Variants in KCNIP4 observed in about 807,000 individuals in gnomAD.
The protein encoded by KCNIP4 is potassium voltage-gated channel interacting protein 4, also known as Kv channel-interacting protein 4.
A neutral mutation model predicts 34.0 loss-of-function variants in KCNIP4; 12 were observed. The observed-to-expected ratio is 0.35, with a 90% CI of 0.23 to 0.57. KCNIP4 has a LOEUF of 0.57. Ranked by LOEUF, KCNIP4 falls within the 20% of genes least tolerant of loss-of-function variation. The pLI, the probability that KCNIP4 is intolerant of heterozygous loss-of-function variation, is 0.83. For synonymous variants in KCNIP4, 124 were observed against 102.2 expected (o/e 1.21, Z -1.29); for missense variants, 238 against 311.7 (o/e 0.76, Z 1.78).
chr4:21,205,578 C>T (rs764231922), intron 1 of KCNIP4, among the ~76,000 whole-genome samples: 3 of 152,208 alleles, frequency 2.0e-5, no homozygotes, highest in Non-Finnish European at 2.9e-5. Context: ...GTTGGGTTTA[C>T]GCCTCAGGAC....
chr4:21,802,820 A>T (rs9995230), intron 1 of KCNIP4, among the ~76,000 whole-genome samples: 1 of 152,016 alleles, frequency 6.6e-6, no homozygotes, highest in Non-Finnish European at 1.5e-5. Flanking sequence ...TTCCTAAACC[A>T]CATTCTCTCT....
At chr4:21,904,837 C>G (rs1727906249) in intron 1 of KCNIP4, among the ~76,000 whole-genome samples, 1 of 152,100 alleles carries the variant, frequency 6.6e-6, no homozygotes, top group Admixed American at 6.6e-5. Flanking sequence ...GTCACAACAA[C>G]CATAAACATC....
At chr4:20,963,398 T>C (rs1179969455) in intron 1 of KCNIP4, among the ~76,000 whole-genome samples, 2 of 151,878 alleles carry the variant, frequency 1.3e-5, no homozygotes, top group African/African-American at 4.8e-5. Context: ...CAAATGATCA[T>C]CCCTTTTGTG....
intron 1 of KCNIP4, among the ~76,000 whole-genome samples, chr4:21,535,087 T>C (rs1322915566): frequency 1.3e-5 from 2 of 152,066 alleles, no homozygotes; most frequent in Admixed American, 6.6e-5. Context: ...ATTAACTACT[T>C]ACTACACTAC....
At chr4:20,982,592 C>A (rs558361501) in intron 1 of KCNIP4, among the ~76,000 whole-genome samples, 1 of 152,246 alleles carries the variant, frequency 6.6e-6, no homozygotes, top group African/African-American at 2.4e-5. Context: ...AAAGAAGATA[C>A]GAAGATTACA....
chr4:21,639,383 T>C (rs1164858084), intron 1 of KCNIP4, among the ~76,000 whole-genome samples: 7 of 152,208 alleles, frequency 4.6e-5, no homozygotes, highest in African/African-American at 1.7e-4. Flanking sequence ...ACCTAAGAAA[T>C]TGAGAATCAA....
At chr4:20,892,015 T>C (rs73802392) in intron 1 of KCNIP4, among the ~76,000 whole-genome samples, 3,678 of 152,182 alleles carry the variant, frequency 0.024, 127 homozygotes, top group African/African-American at 0.076. Flanking sequence ...TTGCAGAAAA[T>C]TGCTGCCCAA....
chr4:20,774,094 AGGC>A (rs1459727811), intron 3 of KCNIP4, among the ~76,000 whole-genome samples: 1 of 152,214 alleles, frequency 6.6e-6, no homozygotes, highest in Non-Finnish European at 1.5e-5. Flanking sequence ...GGTTATTATG[AGGC>A]TTAAATAAAG....
At chr4:21,449,752 G>GT (rs1302299144) in intron 1 of KCNIP4, among the ~76,000 whole-genome samples, 1 of 151,446 alleles carries the variant, frequency 6.6e-6, no homozygotes, top group Non-Finnish European at 1.5e-5. Flanking sequence ...TTTCACTGCT[G>GT]TATCCCTGGT....
chr4:21,078,650 T>C (rs1745725634), intron 1 of KCNIP4, among the ~76,000 whole-genome samples: 1 of 152,038 alleles, frequency 6.6e-6, no homozygotes, highest in South Asian at 2.1e-4. Flanking sequence ...GCATACCCAT[T>C]GAGAAGAACA....
At chr4:21,691,691 C>CTT (rs36004947) in intron 1 of KCNIP4, among the ~76,000 whole-genome samples, 30,426 of 102,888 alleles carry the variant, frequency 0.3, 6,338 homozygotes, top group Non-Finnish European at 0.41. Context: ...AAACGCAGCT[C>CTT]TTTTTTTTTT....
intron 1 of KCNIP4, among the ~76,000 whole-genome samples, chr4:21,863,260 A>AT (rs34972685): frequency 0.36 from 50,742 of 141,516 alleles, 9,943 homozygotes; most frequent in Non-Finnish European, 0.45. Context: ...CACGGATTGA[A>AT]TTTTTTTTTT....
chr4:21,429,073 C>T (rs568570665), intron 1 of KCNIP4, among the ~76,000 whole-genome samples: 36 of 152,312 alleles, frequency 2.4e-4, no homozygotes, highest in African/African-American at 8.4e-4. Context: ...CATATATCCA[C>T]TATTATAGTA....
intron 1 of KCNIP4, among the ~76,000 whole-genome samples, chr4:21,927,002 A>C (rs1729283396): frequency 6.6e-6 from 1 of 152,178 alleles, no homozygotes; most frequent in South Asian, 2.1e-4. Flanking sequence ...AAAGTATTTG[A>C]AGTACTGGTG....
intron 1 of KCNIP4, among the ~76,000 whole-genome samples, chr4:21,538,227 C>G (rs769636425): frequency 6.6e-6 from 1 of 151,996 alleles, no homozygotes; most frequent in Non-Finnish European, 1.5e-5. Context: ...CCCACCAACA[C>G]CTTGATCTTA....
At chr4:21,167,709 A>G (rs1753729955) in intron 1 of KCNIP4, among the ~76,000 whole-genome samples, 1 of 152,208 alleles carries the variant, frequency 6.6e-6, no homozygotes, top group Admixed American at 6.5e-5. Flanking sequence ...AAATGAATCA[A>G]TGCTCTTGCC....
At chr4:21,572,793 A>AT (rs1740461482) in intron 1 of KCNIP4, among the ~76,000 whole-genome samples, 1 of 151,920 alleles carries the variant, frequency 6.6e-6, no homozygotes, top group African/African-American at 2.4e-5. Flanking sequence ...CACCCAGCTA[A>AT]TTTTTGTATT....
intron 1 of KCNIP4, among the ~76,000 whole-genome samples, chr4:21,826,074 G>A (rs961167907): frequency 6.6e-6 from 1 of 152,122 alleles, no homozygotes; most frequent in African/African-American, 2.4e-5. Flanking sequence ...GGCCAACATG[G>A]CTGATACCTA....
intron 1 of KCNIP4, among the ~76,000 whole-genome samples, chr4:21,806,609 A>G (rs1286553599): frequency 6.6e-6 from 1 of 152,258 alleles, no homozygotes; most frequent in South Asian, 2.1e-4. Flanking sequence ...CAGCACTGAA[A>G]TACAACTGTG....
Sources: gnomAD v4.1 joint callset for allele counts (sites outside exome capture counted in the v4.1 genomes callset) on GRCh38, gnomAD v4.1.1 for gene constraint, MANE v1.5 for transcripts, NCBI Gene and HGNC (gene_info 2026-07-23, HGNC 2026-07-21) for gene names.